Variants in ANOS1 observed in about 807,000 individuals in gnomAD.
The protein encoded by ANOS1 is anosmin-1.
In ANOS1, 6 loss-of-function variants were observed where a neutral mutation model predicts 59.0. That is an observed-to-expected ratio of 0.10 (90% CI 0.06 to 0.20). The LOEUF (loss-of-function observed/expected upper bound fraction) is 0.20. Ranked by LOEUF, ANOS1 falls within the 10% of genes least tolerant of loss-of-function variation. The pLI is 1.00. For missense variants in ANOS1, 433 were observed against 542.3 expected (o/e 0.80, Z 2.00); for synonymous variants, 217 against 223.4 (o/e 0.97, Z 0.25).
chrX:8,549,598 A>G (rs1358366460), intron 9 of ANOS1, among the ~76,000 whole-genome samples: 1 of 112,362 alleles, frequency 8.9e-6, no homozygotes, highest in Non-Finnish European at 1.9e-5. Flanking sequence ...GAGGCTCTTT[A>G]CGTCTGTCCT....
chrX:8,613,057 G>A (rs926323850), intron 3 of ANOS1, among the ~76,000 whole-genome samples: 1 of 112,140 alleles, frequency 8.9e-6, no homozygotes, highest in African/African-American at 3.2e-5. Flanking sequence ...AGATGAGAAG[G>A]CTAAACTTTA....
At chrX:8,701,195 T>C (rs1056360345) in intron 1 of ANOS1, among the ~76,000 whole-genome samples, 2 of 110,351 alleles carry the variant, frequency 1.8e-5, no homozygotes, top group African/African-American at 6.6e-5. Context: ...ATAGCTAAAA[T>C]GTCATGACCT....
chrX:8,698,756 T>A (rs149776058), intron 2 of ANOS1, among the ~76,000 whole-genome samples: 5 of 111,969 alleles, frequency 4.5e-5, no homozygotes, highest in Admixed American at 1.9e-4. Context: ...GTAACACTCA[T>A]GTGTATTCAG....
chrX:8,651,725 C>A lies in ANOS1; in HGVS notation c.256-28055G>T, dbSNP rs147762182. 5.5e-3 allele frequency among the ~76,000 whole-genome samples: 622 copies of A among 112,111 alleles called. 6 individuals carry two copies. The highest frequency in any genetic ancestry group is 0.019 in the African/African-American group (580 of 30,869). ...AACTAGGCACATTGCCGCCTTCCTA[C>A]CCACGTGGAATAAACTCCTGTCTGC... is the stretch of plus-strand genomic sequence containing the variant. On this transcript the variant is annotated intron_variant, in intron 2 of 13. Coordinates refer to ENST00000262648, the MANE Select transcript of ANOS1 (RefSeq NM_000216.4).
At chrX:8,663,543 G>A (rs1002841787) in intron 2 of ANOS1, among the ~76,000 whole-genome samples, 6 of 111,576 alleles carry the variant, frequency 5.4e-5, no homozygotes, top group South Asian at 3.9e-4. Context: ...AACTCCCTAT[G>A]CTTGTAAGAT....
At chrX:8,546,314 T>C (rs1929771013) in intron 9 of ANOS1, among the ~76,000 whole-genome samples, 1 of 112,453 alleles carries the variant, frequency 8.9e-6, no homozygotes, top group Non-Finnish European at 1.9e-5. Context: ...TTCCTCTTCA[T>C]TGTTCTTTGG....
chrX:8,688,614 G>A (rs765336912), intron 2 of ANOS1, among the ~76,000 whole-genome samples: 16 of 112,227 alleles, frequency 1.4e-4, no homozygotes, highest in Non-Finnish European at 2.8e-4. Context: ...TTCCCCTTCC[G>A]CATGTTTTTC....
At chrX:8,627,624 C>A (rs966714013) in intron 2 of ANOS1, among the ~76,000 whole-genome samples, 1 of 110,977 alleles carries the variant, frequency 9.0e-6, no homozygotes, top group Non-Finnish European at 1.9e-5. Flanking sequence ...TTTAATAATC[C>A]TCCATGAAAT....
At chrX:8,549,977 T>C (rs1327273333) in intron 9 of ANOS1, among the ~76,000 whole-genome samples, 3 of 111,792 alleles carry the variant, frequency 2.7e-5, no homozygotes, top group Non-Finnish European at 5.6e-5. Context: ...TTAGTCACCA[T>C]TGTACTGAAA....
chrX:8,568,088 T>C, intron 8 of ANOS1, 144 bp downstream of exon 8: 2 of 577,154 alleles, frequency 3.5e-6, no homozygotes, highest in Non-Finnish European at 5.7e-6. Flanking sequence ...GTAGTTTAAA[T>C]ACTTTAGTCA....
At chrX:8,668,430 T>TATATATATATGCAC (rs1394731479) in intron 2 of ANOS1, among the ~76,000 whole-genome samples, 2 of 80,258 alleles carry the variant, frequency 2.5e-5, no homozygotes, top group African/African-American at 9.9e-5. Context: ...TATATATATA[T>TATATATATATGCAC]ACACACACAT....
intron 6 of ANOS1, among the ~76,000 whole-genome samples, chrX:8,578,142 A>C (rs1465748555): frequency 3.6e-5 from 4 of 111,723 alleles, no homozygotes; most frequent in South Asian, 3.8e-4. Flanking sequence ...ACACCTCATA[A>C]GGTATACTTA....
At chrX:8,726,771 T>C (rs147129854) in intron 1 of ANOS1, among the ~76,000 whole-genome samples, 244 of 112,072 alleles carry the variant, frequency 2.2e-3, no homozygotes, top group African/African-American at 6.3e-3. Flanking sequence ...AGATGAAGCA[T>C]AGGGCATGAA....
At chrX:8,668,487 TATATATATATGGTATTCCATC>T (rs1206818218) in intron 2 of ANOS1, among the ~76,000 whole-genome samples, 1 of 91,183 alleles carries the variant, frequency 1.1e-5, no homozygotes, top group Non-Finnish European at 2.1e-5. Flanking sequence ...TGATAGTCCA[TATATATATATGGTATTCCATC>T]ATATATATAT....
At position 8,568,323 on chromosome X, in the gene ANOS1, C is replaced by T. The variant is rs1930157840; in HGVS notation, c.1116G>A (p.Val372=). The change falls in exon 8 of 14, where the codon GTG becomes GTA. Residue 372 remains valine (V), a synonymous_variant. Coordinates refer to ENST00000262648, the MANE Select transcript of ANOS1 (RefSeq NM_000216.4). ...EKLQPDCDYV[V]ELQAITYWGQ... is the part of the protein sequence containing the mutation. ...CCCAGTACGTTATGGCTTGCAATTCCACAACATAGTCACAGTCTGGCTGGA... is the reference window on the plus strand; with the variant it reads ...CCCAGTACGTTATGGCTTGCAATTCTACAACATAGTCACAGTCTGGCTGGA... The T allele has an allele frequency of 2.5e-6, 3 of 1,210,067 alleles. No individual in the cohort carries two copies. The highest frequency in any genetic ancestry group is 1.1e-6 in the Non-Finnish European group (1 of 894,008).
chrX:8,564,901 C>T (rs1191864485), intron 8 of ANOS1, among the ~76,000 whole-genome samples: 1 of 111,422 alleles, frequency 9.0e-6, no homozygotes, highest in African/African-American at 3.3e-5. Context: ...TGCAATGTGG[C>T]TCAAAGGAGA....
intron 2 of ANOS1, among the ~76,000 whole-genome samples, chrX:8,640,107 G>A (rs1236356889): frequency 5.4e-5 from 6 of 110,720 alleles, no homozygotes; most frequent in South Asian, 3.9e-4. Flanking sequence ...AGTCCCCTCC[G>A]GGCACCATCA....
intron 5 of ANOS1, among the ~76,000 whole-genome samples, chrX:8,585,707 A>C (rs770680024): frequency 8.9e-6 from 1 of 112,652 alleles, no homozygotes; most frequent in South Asian, 3.7e-4. Context: ...ATTTATGTAT[A>C]GTAATTGTTA....
chrX:8,655,117 C>G (rs1931910988), intron 2 of ANOS1, among the ~76,000 whole-genome samples: 1 of 111,215 alleles, frequency 9.0e-6, no homozygotes, highest in Non-Finnish European at 1.9e-5. Context: ...ATTTACTGTG[C>G]ACTTTATTTC....
Sources: gnomAD v4.1 joint callset for allele counts (sites outside exome capture counted in the v4.1 genomes callset) on GRCh38, gnomAD v4.1.1 for gene constraint, MANE v1.5 for transcripts, NCBI Gene and HGNC (gene_info 2026-07-23, HGNC 2026-07-21) for gene names.